The following MICU3 variants were observed in gnomAD, a reference collection of about 807,000 sequenced individuals.
MICU3 encodes mitochondrial calcium uptake 3.
In MICU3, 62 loss-of-function variants were observed where a neutral mutation model predicts 66.5. That is an observed-to-expected ratio of 0.93 (90% confidence interval 0.76 to 1.15). MICU3 has a LOEUF of 1.15. MICU3 is among the 50% of genes most tolerant of loss of function. MICU3 has a pLI of 0.00. For synonymous variants in MICU3, 308 were observed against 240.7 expected, an observed-to-expected ratio of 1.28 and a Z score of -2.59; for missense variants, 779 against 664.4, an observed-to-expected ratio of 1.17 and a Z score of -1.90.
chr8:17,065,558 T>C (rs972075046), intron 2 of MICU3, among the ~76,000 whole-genome samples: 4 of 152,016 alleles, frequency 2.6e-5, no homozygotes, highest in Admixed American at 2.6e-4. Context: ...AAAGGGGACA[T>C]AGGAGTGGCC....
chr8:17,132,218 A>ACATACACATGTGAG, the MICU3 span: 2 of 152,244 alleles, frequency 1.3e-5, no homozygotes, highest in African/African-American at 4.8e-5. Flanking sequence ...GAGCATATAT[A>ACATACACATGTGAG]CATAAGTACA....
chr8:17,125,065 C>T (rs548345099), downstream of MICU3, among the ~76,000 whole-genome samples: 12 of 152,060 alleles, frequency 7.9e-5, no homozygotes, highest in Admixed American at 4.6e-4. Context: ...AACTTCTTGC[C>T]CTCTTGTTTT....
intron 9 of MICU3, among the ~76,000 whole-genome samples, chr8:17,099,489 A>G (rs1801071219): frequency 6.6e-6 from 1 of 151,826 alleles, no homozygotes; most frequent in Admixed American, 6.6e-5. Context: ...TAGGGCAAAC[A>G]CTTGAAAATG....
intron 9 of MICU3, 137 bp downstream of exon 9, chr8:17,098,690 T>C (rs1800987180): frequency 4.9e-6 from 3 of 612,204 alleles, no homozygotes; most frequent in Non-Finnish European, 5.8e-6. Flanking sequence ...AAAATTACTA[T>C]ATATAAACTG....
intron 1 of MICU3, among the ~76,000 whole-genome samples, chr8:17,030,312 T>C (rs138596909): frequency 4.9e-4 from 75 of 152,372 alleles, no homozygotes; most frequent in African/African-American, 1.7e-3. Flanking sequence ...ACCTGTCTCT[T>C]ACTTGAGAAC....
intron 7 of MICU3, among the ~76,000 whole-genome samples, chr8:17,087,569 G>A (rs1272584142): frequency 6.6e-6 from 1 of 151,946 alleles, no homozygotes; most frequent in African/African-American, 2.4e-5. Context: ...TTTATCTGAA[G>A]TATTTCAGCC....
chr8:17,060,508 C>T lies in MICU3; in HGVS notation c.382-3576C>T, dbSNP rs185933033. ...TGTATTTTTAGTAGAGACAGGGTTTCACCATGTTGGCCAGGCTGGTCTCGA... is the reference window on the plus strand; with the variant it reads ...TGTATTTTTAGTAGAGACAGGGTTTTACCATGTTGGCCAGGCTGGTCTCGA... On this transcript the variant is annotated intron_variant, in intron 1 of 14. Coordinates refer to ENST00000318063, the MANE Select transcript of MICU3 (RefSeq NM_181723.3). 9.2e-3 allele frequency among the ~76,000 whole-genome samples: 1,401 copies of T among 152,186 alleles called. 26 individuals carry two copies. The highest frequency in any genetic ancestry group is 0.032 in the African/African-American group (1,311 of 41,508).
chr8:17,078,360 A>G (rs181864639), intron 4 of MICU3, among the ~76,000 whole-genome samples: 43 of 152,170 alleles, frequency 2.8e-4, no homozygotes, highest in African/African-American at 8.7e-4. Context: ...ACTTACTGCA[A>G]ATATACCTGT....
rs770467999 is a variant in MICU3, at chr8:17,077,798, C to G, written c.583C>G (p.Leu195Val). ...SLSKQELNQMLAETPPVWKGS... is the reference protein window; with the variant it reads ...SLSKQELNQMVAETPPVWKGS... The stretch of plus-strand genomic sequence containing the variant: ...TCTGTCATAGGAATTAAATCAAATG[C>G]TCGCAGAAACACCACCAGTTTGGAA... The change falls in exon 4 of 15, where the codon CTC becomes GTC. Residue 195 changes from leucine (L) to valine (V), a missense_variant. By Grantham distance (32) the Leu-to-Val change is conservative (BLOSUM62 1). Transcript: ENST00000318063. The G allele has an allele frequency of 3.7e-6, 6 of 1,610,826 alleles. No homozygotes were observed. Among genetic ancestry groups the G allele is most frequent in the South Asian group, 3.3e-5 (3 of 90,740 alleles).
chr8:17,117,064 A>T (rs1802752912), intron 13 of MICU3, among the ~76,000 whole-genome samples: 1 of 152,092 alleles, frequency 6.6e-6, no homozygotes, highest in African/African-American at 2.4e-5. Flanking sequence ...TGCAGCCTTG[A>T]ACTCCTGGGC....
chr8:17,138,004 C>T, the MICU3 span, among the ~76,000 whole-genome samples: 7 of 152,042 alleles, frequency 4.6e-5, no homozygotes, highest in African/African-American at 1.7e-4. Context: ...CATGAACCAC[C>T]ATGCCCAGCC....
chr8:17,038,830 G>T (rs147253074), intron 1 of MICU3, among the ~76,000 whole-genome samples: 4,415 of 152,072 alleles, frequency 0.029, 75 homozygotes, highest in Non-Finnish European at 0.044. Context: ...GCAGTCGCCT[G>T]TAGTCCCAGC....
In MICU3 at chr8:17,027,296, G is replaced by C. The variant is rs745401676; in HGVS notation, c.17G>C (p.Arg6Thr). 2 of 1,519,106 alleles carry C rather than the reference G, an allele frequency of 1.3e-6. No homozygotes were observed. The highest frequency in any genetic ancestry group is 4.1e-5 in the Admixed American group (2 of 49,060). 94.1% of individuals were successfully genotyped at this position (1,519,106 alleles called of 1,614,324 possible). A position where few individuals can be genotyped will look rare whatever the true frequency, so the allele number is the denominator to read the frequency against. ...GCCTCCGCTATGGCTGCGCTGCGAA[G>C]GCTCTTGTGGCCGCCACCCCGGGTG... MAALR[R>T]LLWPPPRVSP... The change falls in exon 1 of 15, where the codon AGG becomes ACG. Residue 6 changes from arginine (R) to threonine (T), a missense_variant. Transcript: ENST00000318063.
In MICU3 at chr8:17,073,444, T is replaced by G. The variant is rs144394156; in HGVS notation, c.567+3725T>G. 8.6e-5 allele frequency among the ~76,000 whole-genome samples: 13 copies of G among 151,888 alleles called. 1 individual carries two copies. Among genetic ancestry groups the G allele is most frequent in the African/African-American group, 2.9e-4 (12 of 41,408 alleles). On this transcript the variant is annotated intron_variant, in intron 3 of 14. Transcript: ENST00000318063. Reference sequence around the variant, plus strand: ...TAATGCCTGATGATATGTCACTGTCTCCCATCACCCCCAGATAGGACCATC... The same window carrying G: ...TAATGCCTGATGATATGTCACTGTCGCCCATCACCCCCAGATAGGACCATC...
the MICU3 span, chr8:17,131,856 T>C: frequency 1.3e-5 from 2 of 152,184 alleles, no homozygotes; most frequent in Non-Finnish European, 2.9e-5. Flanking sequence ...AAATCCATCT[T>C]CATTTATTAC....
chr8:17,027,685 C>T (rs1026516450), intron 1 of MICU3, 25 bp downstream of exon 1: 17 of 1,269,924 alleles, frequency 1.3e-5, no homozygotes, highest in Non-Finnish European at 1.6e-5. Flanking sequence ...GCGCGTCACA[C>T]CTGCGCGGGG....
At chr8:17,087,836 G>C (rs1037260207) in intron 7 of MICU3, among the ~76,000 whole-genome samples, 2 of 151,988 alleles carry the variant, frequency 1.3e-5, no homozygotes, top group South Asian at 4.1e-4. Flanking sequence ...TTTATCCATT[G>C]TGACATATTT....
intron 1 of MICU3, among the ~76,000 whole-genome samples, chr8:17,041,735 G>T (rs778856558): frequency 1.3e-5 from 2 of 152,172 alleles, no homozygotes; most frequent in Non-Finnish European, 2.9e-5. Flanking sequence ...CCCAAGGAAA[G>T]AGTTTAATCT....
chr8:17,109,473 A>G (rs1482905743), intron 11 of MICU3, among the ~76,000 whole-genome samples: 1 of 152,156 alleles, frequency 6.6e-6, no homozygotes, highest in Non-Finnish European at 1.5e-5. Context: ...ATATATCTAT[A>G]GAATAGAATA....
Sources: gnomAD v4.1 joint callset for allele counts (sites outside exome capture counted in the v4.1 genomes callset) on GRCh38, gnomAD v4.1.1 for gene constraint, MANE v1.5 for transcripts, NCBI Gene and HGNC (gene_info 2026-07-23, HGNC 2026-07-21) for gene names.